Variants in ERG observed in about 807,000 individuals in gnomAD.
The protein encoded by ERG is ETS transcription factor ERG, also known as transcriptional regulator ERG.
ERG carries 9 observed loss-of-function variants against 55.3 expected under a neutral mutation model. That is an observed-to-expected ratio of 0.16 (90% CI 0.10 to 0.28). The LOEUF is 0.28. Ranked by LOEUF, ERG falls within the 10% of genes least tolerant of loss-of-function variation. The pLI is 1.00. For synonymous variants in ERG, 223 were observed against 237.3 expected (o/e 0.94, Z 0.55); for missense variants, 434 against 631.6 (o/e 0.69, Z 3.35).
Position 38,381,660 on chromosome 21 carries a change from A to T in ERG, c.*1743T>A. On this transcript the variant is annotated 3_prime_UTR_variant, in exon 10 of 10. Coordinates refer to ENST00000288319, the MANE Select transcript of ERG (RefSeq NM_182918.4). ...CGAGTGGTAGCTTGTTCACTGTTCA[A>T]CAAATGTATTTTAATCATAGCAGGA... 1.9e-6 allele frequency: 2 copies of T among 1,063,606 alleles called. No homozygotes were observed. The highest frequency in any genetic ancestry group is 3.3e-5 in the African/African-American group (2 of 61,114). 65.9% of individuals were successfully genotyped at this position (1,063,606 alleles called of 1,614,324 possible).
chr21:38,481,260 C>T (rs2059235807), intron 1 of ERG, among the ~76,000 whole-genome samples: 1 of 152,204 alleles, frequency 6.6e-6, no homozygotes, highest in Non-Finnish European at 1.5e-5. Flanking sequence ...TTGCCAAATG[C>T]ATGCTTTACT....
chr21:38,633,563 A>G (rs560680470), intron 1 of ERG, among the ~76,000 whole-genome samples: 1 of 152,176 alleles, frequency 6.6e-6, no homozygotes, highest in Non-Finnish European at 1.5e-5. Flanking sequence ...ATCAGCACAC[A>G]TGAATTATTT....
intron 1 of ERG, among the ~76,000 whole-genome samples, chr21:38,495,557 T>A (rs1454979343): frequency 1.3e-5 from 2 of 152,212 alleles, no homozygotes; most frequent in East Asian, 3.8e-4. Context: ...TTTTTACACA[T>A]TAAGTATCTT....
chr21:38,380,964 T>A lies in ERG; in HGVS notation c.*2439A>T. The A allele has an allele frequency of 9.4e-7, 1 of 1,065,066 alleles. No individual in the cohort carries two copies. The highest frequency in any genetic ancestry group is 1.1e-6 in the Non-Finnish European group (1 of 879,116). 66.0% of individuals were successfully genotyped at this position (1,065,066 alleles called of 1,614,324 possible). The stretch of plus-strand genomic sequence containing the variant: ...ACTGATCTTTTCCATTAGCACAGTT[T>A]GGGTCAGCCTAACTGCCAGCTTTCA... On this transcript the variant is annotated 3_prime_UTR_variant, in exon 10 of 10. Coordinates refer to ENST00000288319, the MANE Select transcript of ERG (RefSeq NM_182918.4).
intron 1 of ERG, among the ~76,000 whole-genome samples, chr21:38,452,354 TAC>T (rs1393790628): frequency 4.6e-5 from 7 of 152,188 alleles, no homozygotes; most frequent in Non-Finnish European, 1.0e-4. Context: ...CACACATATA[TAC>T]AGATACGCAC....
rs373754405 is a variant in ERG at position 38,455,483 on chromosome 21, C to G, written c.19-9862G>C. Among the ~76,000 whole-genome samples the G allele has an allele frequency of 6.6e-5, 10 of 152,260 alleles. No homozygotes were observed. The East Asian group carries it at 1.2e-3, about 18-fold the overall frequency. On this transcript the variant is annotated intron_variant, in intron 1 of 9. Coordinates refer to ENST00000288319, the MANE Select transcript of ERG (RefSeq NM_182918.4). The stretch of plus-strand genomic sequence containing the variant: ...CCAGGGAAGGGGTGGTGCACCACCT[C>G]TCTCCTCTTCAGAAGGAGCTCCGTG...
chr21:38,503,299 T>C (rs1008076397), upstream of ERG, among the ~76,000 whole-genome samples: 10 of 152,166 alleles, frequency 6.6e-5, no homozygotes, highest in African/African-American at 1.7e-4. Flanking sequence ...ACAATACTTG[T>C]AGGTGTCAAA....
intron 1 of ERG, among the ~76,000 whole-genome samples, chr21:38,470,471 T>A (rs1805839738): frequency 6.6e-6 from 1 of 152,204 alleles, no homozygotes; most frequent in Non-Finnish European, 1.5e-5. Context: ...GTTAAGCTAG[T>A]AAAAATTATT....
intron 1 of ERG, among the ~76,000 whole-genome samples, chr21:38,661,240 G>A (rs369314911): frequency 1.3e-5 from 2 of 152,302 alleles, no homozygotes; most frequent in South Asian, 2.1e-4. Flanking sequence ...CGCTTTTAGC[G>A]AGAAGTGATA....
At chr21:38,551,070 G>A (rs1306149735) in intron 2 of ERG, among the ~76,000 whole-genome samples, 1 of 152,030 alleles carries the variant, frequency 6.6e-6, no homozygotes, top group Non-Finnish European at 1.5e-5. Context: ...GTTCAATCTT[G>A]GGGTGTTGTA....
At chr21:38,368,269 A>G in the ERG span, among the ~76,000 whole-genome samples, 4 of 151,930 alleles carry the variant, frequency 2.6e-5, no homozygotes, top group Non-Finnish European at 5.9e-5. Context: ...TTTTTTCACT[A>G]CCATTGCATG....
chr21:38,617,819 AG>A (rs956573246), intron 1 of ERG, among the ~76,000 whole-genome samples: 7 of 152,138 alleles, frequency 4.6e-5, no homozygotes, highest in Non-Finnish European at 1.0e-4. Flanking sequence ...TGTTTCCCAA[AG>A]GGTTTGTTTA....
At chr21:38,617,218 T>G (rs942270236) in intron 1 of ERG, among the ~76,000 whole-genome samples, 3 of 152,168 alleles carry the variant, frequency 2.0e-5, no homozygotes, top group Admixed American at 6.5e-5. Flanking sequence ...GCACCATAAA[T>G]ATGACTTCAA....
intron 1 of ERG, among the ~76,000 whole-genome samples, chr21:38,644,303 T>C (rs1043527968): frequency 4.6e-5 from 7 of 150,874 alleles, no homozygotes; most frequent in Admixed American, 1.3e-4. Flanking sequence ...ACTTTCGATA[T>C]ATTATAACAT....
chr21:38,464,324 C>A (rs575117614), intron 1 of ERG, among the ~76,000 whole-genome samples: 1 of 152,306 alleles, frequency 6.6e-6, no homozygotes, highest in African/African-American at 2.4e-5. Flanking sequence ...AAGCCTCACA[C>A]ATCCATCCGT....
intron 2 of ERG, among the ~76,000 whole-genome samples, chr21:38,536,561 T>C (rs1844070864): frequency 6.6e-6 from 1 of 152,132 alleles, no homozygotes; most frequent in Admixed American, 6.5e-5. Flanking sequence ...TATCCACCAC[T>C]AAACTTAGAG....
chr21:38,509,613 A>G (rs969506338), intron 2 of ERG, among the ~76,000 whole-genome samples: 1 of 152,038 alleles, frequency 6.6e-6, no homozygotes, highest in Admixed American at 6.5e-5. Flanking sequence ...TCTTCACTCT[A>G]TGCCTGATAC....
At chr21:38,369,502 T>A in the ERG span, among the ~76,000 whole-genome samples, 1 of 152,230 alleles carries the variant, frequency 6.6e-6, no homozygotes, top group Admixed American at 6.5e-5. Flanking sequence ...AAATTTAAGT[T>A]CCTTATAGAT....
At chr21:38,397,770 T>C (rs1214428723) in intron 6 of ERG, among the ~76,000 whole-genome samples, 1 of 152,124 alleles carries the variant, frequency 6.6e-6, no homozygotes, top group African/African-American at 2.4e-5. Context: ...TAGGAGTCTC[T>C]GCAGAAAGGG....
Sources: allele counts gnomAD v4.1 joint callset (sites outside exome capture counted in the v4.1 genomes callset), GRCh38; gene constraint gnomAD v4.1.1; transcripts MANE v1.5; gene names NCBI Gene and HGNC (gene_info 2026-07-23, HGNC 2026-07-21).